Variants in GNG7 observed in about 807,000 individuals in gnomAD.
GNG7 encodes G protein subunit gamma 7, also known as guanine nucleotide-binding protein G(I)/G(S)/G(O) subunit gamma-7.
Under a neutral mutation model 4.0 loss-of-function variants are expected in GNG7, and 1 was observed. That is an observed-to-expected ratio of 0.25 (90% CI 0.09 to 1.18). GNG7 has a LOEUF of 1.18. GNG7 is among the 50% of genes most tolerant of loss of function. The pLI is 0.50. For missense variants in GNG7, 86 were observed against 91.9 expected (o/e 0.94, Z 0.26); for synonymous variants, 34 against 36.9 (o/e 0.92, Z 0.29).
At chr19:2,542,596 G>A (rs1416469069) in intron 3 of GNG7, among the ~76,000 whole-genome samples, 2 of 152,204 alleles carry the variant, frequency 1.3e-5, no homozygotes, top group East Asian at 3.8e-4. Context: ...CAGCCTGGGA[G>A]ACCCTGGGCA....
Position 2,657,395 on chromosome 19 carries a change from T to C in GNG7, c.-134-11115A>G, listed in dbSNP as rs1173245000. Among the ~76,000 whole-genome samples, 319 of 94,392 alleles carry C rather than the reference T, an allele frequency of 3.4e-3. 11 individuals are homozygous for C. Among genetic ancestry groups the C allele is most frequent in the African/African-American group, 8.4e-3 (187 of 22,236 alleles). 61.9% of individuals were successfully genotyped at this position (94,392 alleles called of 152,430 possible). A position where few individuals can be genotyped will look rare whatever the true frequency, so the allele number is the denominator to read the frequency against. The stretch of plus-strand genomic sequence containing the variant: ...ATATATATATATATATATATATATA[T>C]ATATACACATAATAACATTTATCCT... On this transcript the variant is annotated intron_variant, in intron 1 of 4. Coordinates refer to ENST00000382159, the MANE Select transcript of GNG7 (RefSeq NM_052847.3).
chr19:2,548,276 C>T (rs1023868551), intron 3 of GNG7, among the ~76,000 whole-genome samples: 4 of 151,622 alleles, frequency 2.6e-5, no homozygotes, highest in African/African-American at 7.3e-5. Context: ...CTCAGGAGTT[C>T]GAGACCAGCC....
At chr19:2,645,285 C>T (rs1181385953) in intron 2 of GNG7, among the ~76,000 whole-genome samples, 1 of 148,212 alleles carries the variant, frequency 6.7e-6, no homozygotes, top group Non-Finnish European at 1.5e-5. Context: ...GTCACCCAGG[C>T]TGGAGCGCAG....
chr19:2,672,030 G>A (rs1428533680), intron 1 of GNG7, among the ~76,000 whole-genome samples: 8 of 113,078 alleles, frequency 7.1e-5, no homozygotes, highest in Non-Finnish European at 1.3e-4. Context: ...CAGCCTGGGT[G>A]ACAGAGTGAG....
intron 2 of GNG7, among the ~76,000 whole-genome samples, chr19:2,593,245 G>A (rs962646438): frequency 1.3e-5 from 2 of 152,076 alleles, no homozygotes; most frequent in African/African-American, 4.8e-5. Flanking sequence ...GTCACCAACG[G>A]CCTGATGTTG....
intron 1 of GNG7, among the ~76,000 whole-genome samples, chr19:2,673,286 A>G (rs1354401790): frequency 6.6e-6 from 1 of 150,516 alleles, no homozygotes; most frequent in African/African-American, 2.5e-5. Flanking sequence ...AACAAAACAA[A>G]ACAAAAAAAA....
At chr19:2,674,499 A>G (rs1035523555) in intron 1 of GNG7, among the ~76,000 whole-genome samples, 16 of 151,922 alleles carry the variant, frequency 1.1e-4, no homozygotes, top group African/African-American at 3.4e-4. Context: ...GCAGTGGTGC[A>G]ATCTCAGCTC....
chr19:2,669,375 A>G (rs942714919), intron 1 of GNG7, among the ~76,000 whole-genome samples: 1 of 152,156 alleles, frequency 6.6e-6, no homozygotes, highest in Admixed American at 6.5e-5. Flanking sequence ...CTGTAATCCC[A>G]GCTACTTGGG....
chr19:2,536,970 G>A (rs1392022826), intron 3 of GNG7, among the ~76,000 whole-genome samples: 5 of 146,764 alleles, frequency 3.4e-5, no homozygotes, highest in Admixed American at 1.4e-4. Context: ...TTTTTGAGAC[G>A]GAGTCTCGCT....
At chr19:2,549,514 C>T (rs1181033220) in intron 3 of GNG7, among the ~76,000 whole-genome samples, 2 of 152,148 alleles carry the variant, frequency 1.3e-5, no homozygotes, top group Non-Finnish European at 2.9e-5. Flanking sequence ...TGGTCTTGAA[C>T]TCCTGACCTT....
Position 2,653,306 on chromosome 19 carries a change from T to A in GNG7, c.-134-7026A>T, listed in dbSNP as rs982491218. Among the ~76,000 whole-genome samples, 1 of 152,234 alleles carries A rather than the reference T, an allele frequency of 6.6e-6. No individual in the cohort carries two copies. The highest frequency in any genetic ancestry group is 2.4e-5 in the African/African-American group (1 of 41,554). On this transcript the variant is annotated intron_variant, in intron 1 of 4. Coordinates refer to ENST00000382159, the MANE Select transcript of GNG7 (RefSeq NM_052847.3). This position sits in a 1 kb window ranked among gnomAD's most constrained non-coding sequence, Gnocchi z 4.8. ...CAGCCAGACCCTCAGCTCCCAAACC[T>A]GGGGATTTGCAACAGACAAACACAG...
intron 3 of GNG7, among the ~76,000 whole-genome samples, chr19:2,543,055 G>A (rs527871938): frequency 1.3e-5 from 2 of 151,604 alleles, no homozygotes; most frequent in East Asian, 3.9e-4. Context: ...TGGGATTACA[G>A]GCATCCACCA....
intron 2 of GNG7, among the ~76,000 whole-genome samples, chr19:2,560,022 G>A (rs1385342540): frequency 2.0e-5 from 3 of 152,060 alleles, no homozygotes; most frequent in Admixed American, 6.6e-5. Flanking sequence ...CGAGGCTCTC[G>A]CTAGACAGTA....
chr19:2,513,069 A>T lies in GNG7; in HGVS notation c.*1953T>A, dbSNP rs1972678549. The T allele has an allele frequency of 6.1e-6, 6 of 985,266 alleles. No individual in the cohort carries two copies. Among genetic ancestry groups the T allele is most frequent in the Non-Finnish European group, 6.0e-6 (5 of 830,020 alleles). 61.0% of individuals were successfully genotyped at this position (985,266 alleles called of 1,614,324 possible). On this transcript the variant is annotated 3_prime_UTR_variant, in exon 5 of 5. Transcript: ENST00000382159. ...AGAGAGCTGGGTGCCGGGGGTGGGG[A>T]GCCCGGCTGTGGCCTGTGGGAGCTG...
chr19:2,565,255 T>G (rs1188897237), intron 2 of GNG7, among the ~76,000 whole-genome samples: 2 of 151,798 alleles, frequency 1.3e-5, no homozygotes, highest in East Asian at 3.9e-4. Flanking sequence ...CTCACACCTG[T>G]CATCCCAGCA....
intron 1 of GNG7, among the ~76,000 whole-genome samples, chr19:2,691,298 C>T (rs1226467189): frequency 6.6e-6 from 1 of 152,166 alleles, no homozygotes; most frequent in Non-Finnish European, 1.5e-5. Context: ...AATCCCAGCA[C>T]TTTGGGAGGA....
At chr19:2,670,969 G>T (rs1983437493) in intron 1 of GNG7, among the ~76,000 whole-genome samples, 1 of 152,150 alleles carries the variant, frequency 6.6e-6, no homozygotes, top group Non-Finnish European at 1.5e-5. Context: ...GAGAGAGGGG[G>T]TGAATCCCAG....
At chr19:2,650,083 C>T (rs554651773) in intron 1 of GNG7, among the ~76,000 whole-genome samples, 4 of 152,066 alleles carry the variant, frequency 2.6e-5, no homozygotes, top group East Asian at 1.9e-4. Flanking sequence ...TATGGAAGGA[C>T]GTGTTTTTTA....
At chr19:2,554,181 AT>A (rs555131955) in intron 3 of GNG7, among the ~76,000 whole-genome samples, 198 of 143,566 alleles carry the variant, frequency 1.4e-3, no homozygotes, top group African/African-American at 5.1e-3. Context: ...TAATATATAT[AT>A]TTTTTTCTTT....
Sources: gnomAD v4.1 joint callset for allele counts (sites outside exome capture counted in the v4.1 genomes callset) on GRCh38, gnomAD v4.1.1 for gene constraint, Gnocchi (gnomAD v3.1) non-coding constraint, MANE v1.5 for transcripts, NCBI Gene and HGNC (gene_info 2026-07-23, HGNC 2026-07-21) for gene names.